Variants in NELFCD observed in about 807,000 individuals in gnomAD.
NELFCD encodes the protein negative elongation factor complex member C/D.
NELFCD carries 48 observed loss-of-function variants against 72.9 expected under a neutral mutation model. That is an observed-to-expected ratio of 0.66 (90% CI 0.52 to 0.84). The LOEUF (loss-of-function observed/expected upper bound fraction) is 0.84. NELFCD is among the 40% of genes least tolerant of loss of function. The pLI is 0.00. For synonymous variants in NELFCD, 297 were observed against 280.6 expected, an observed-to-expected ratio of 1.06 and a Z score of -0.59; for missense variants, 538 against 723.8, an observed-to-expected ratio of 0.74 and a Z score of 2.94.
chr20:58,985,160 T>C (rs944515347), intron 1 of NELFCD, among the ~76,000 whole-genome samples: 1 of 152,198 alleles, frequency 6.6e-6, no homozygotes, highest in African/African-American at 2.4e-5. Context: ...AGAATGGGTG[T>C]GCTGTGTTCC....
At position 58,993,218 on chromosome 20, in the gene NELFCD, C is replaced by G; in HGVS notation, c.1344+106C>G. 1.1e-6 allele frequency: 1 copy of G among 941,074 alleles called. No homozygotes were observed. The allele number at this position is 941,074 out of a possible 1,614,324, so 58.3% of individuals were successfully genotyped here. Reference sequence around the variant, plus strand: ...CAGTGAGTTTAGAGGATACTCTTCTCAAAAATAGTTATTTCTGTCCTGAGG... The same window carrying G: ...CAGTGAGTTTAGAGGATACTCTTCTGAAAAATAGTTATTTCTGTCCTGAGG... On this transcript the variant is annotated intron_variant, in intron 11 of 14. Transcript: ENST00000652272. The surrounding 1 kb of genome is among the most constrained non-coding windows in gnomAD (Gnocchi z 5.0).
intron 9 of NELFCD, 197 bp from the exon 10 acceptor site, chr20:58,991,684 T>C: frequency 1.3e-6 from 1 of 745,420 alleles, no homozygotes; most frequent in Admixed American, 2.9e-5. Context: ...CTGATTTCCG[T>C]AAGACATGGA....
chr20:58,983,250 T>C (rs2091749291), intron 1 of NELFCD, among the ~76,000 whole-genome samples: 1 of 150,628 alleles, frequency 6.6e-6, no homozygotes, highest in Non-Finnish European at 1.5e-5. Context: ...AATTCTCCCG[T>C]CTCAGCCTCC....
intron 7 of NELFCD, 171 bp downstream of exon 7, chr20:58,990,159 G>A (rs2091805166): frequency 2.5e-6 from 2 of 797,518 alleles, no homozygotes; most frequent in South Asian, 3.7e-5. Flanking sequence ...CACTTTGGGA[G>A]GCCGAGGCGG....
chr20:58,982,038 C>T (rs1334865929), intron 1 of NELFCD, among the ~76,000 whole-genome samples: 3 of 151,568 alleles, frequency 2.0e-5, no homozygotes, highest in African/African-American at 7.3e-5. Flanking sequence ...CCCCACCTTA[C>T]TCTAAAGACC....
chr20:58,985,359 G>T (rs1216210149), intron 1 of NELFCD, among the ~76,000 whole-genome samples: 1 of 152,172 alleles, frequency 6.6e-6, no homozygotes, highest in African/African-American at 2.4e-5. Context: ...AGGTTCCTTG[G>T]TTGATGAGCA....
intron 5 of NELFCD, 193 bp from the exon 6 acceptor site, chr20:58,989,295 A>G (rs924664906): frequency 5.9e-6 from 4 of 680,784 alleles, no homozygotes; most frequent in South Asian, 1.8e-5. Context: ...CCTCTTGCAT[A>G]TGAAGAAACG....
Position 58,986,784 on chromosome 20 carries a change from T to A in NELFCD, c.207T>A (p.Asn69Lys). 1 of 1,613,966 alleles carries A rather than the reference T, an allele frequency of 6.2e-7. No individual in the cohort carries two copies. The highest frequency in any genetic ancestry group is 8.5e-7 in the Non-Finnish European group (1 of 1,179,858). ...RYFQAGGSPE[N>K]VIQLLSENYT... ...TTCAGGCAGGAGGGTCTCCAGAGAA[T>A]GTTATCCAGCTCTTATCTGAAAACT... Residue 69 changes from asparagine to lysine, a missense_variant, in exon 3 of 15, where the codon AAT becomes AAA. Asn to Lys is a moderately conservative substitution (Grantham distance 94). Around this residue, in one of 3 missense-constraint regions of NELFCD, gnomAD observed 355 missense variants for 534.5 expected, o/e 0.66. Coordinates refer to ENST00000652272, the MANE Select transcript of NELFCD (RefSeq NM_198976.4). This position sits in a 1 kb window ranked among gnomAD's most constrained non-coding sequence, Gnocchi z 4.4.
At chr20:58,991,853 G>T (rs2091819776) in intron 9 of NELFCD, 28 bp from the exon 10 acceptor site, 1 of 1,610,788 alleles carries the variant, frequency 6.2e-7, no homozygotes, top group Non-Finnish European at 8.5e-7. Flanking sequence ...GCCCTGTCAG[G>T]CTCACCAGCT....
At chr20:58,990,074 T>C in intron 7 of NELFCD, 86 bp downstream of exon 7, 1 of 1,533,462 alleles carries the variant, frequency 6.5e-7, no homozygotes, top group South Asian at 1.2e-5. Flanking sequence ...CAGCCAAAGC[T>C]GCTAGCTCCT....
chr20:58,993,920 C>T lies in NELFCD; in HGVS notation c.1581+156C>T. 1 of 1,077,280 alleles carries T rather than the reference C, an allele frequency of 9.3e-7. No individual in the cohort carries two copies. Among genetic ancestry groups the T allele is most frequent in the Non-Finnish European group, 1.4e-6 (1 of 733,532 alleles). The allele number at this position is 1,077,280 out of a possible 1,614,324, so 66.7% of individuals were successfully genotyped here. A position where few individuals can be genotyped will look rare whatever the true frequency, so the allele number is the denominator to read the frequency against. ...CTCGTTTACCAAAAAGCACCTTCTG[C>T]CTGCAGCAGCTGTATGACACACTTT... is the stretch of plus-strand genomic sequence containing the variant. On this transcript the variant is annotated intron_variant, in intron 13 of 14. Coordinates refer to ENST00000652272, the MANE Select transcript of NELFCD (RefSeq NM_198976.4). This position sits in a 1 kb window ranked among gnomAD's most constrained non-coding sequence, Gnocchi z 5.0.
intron 7 of NELFCD, 182 bp downstream of exon 7, chr20:58,990,170 A>G (rs541184662): frequency 3.9e-4 from 273 of 693,918 alleles, no homozygotes; most frequent in Non-Finnish European, 5.7e-4. Flanking sequence ...GCCGAGGCGG[A>G]TGGATCACCT....
chr20:58,982,925 T>G (rs1569055735), intron 1 of NELFCD, among the ~76,000 whole-genome samples: 1 of 152,026 alleles, frequency 6.6e-6, no homozygotes, highest in Non-Finnish European at 1.5e-5. Flanking sequence ...ACTTATCTGG[T>G]AAGTGTAGAA....
At chr20:58,991,643 C>T (rs544356685) in intron 9 of NELFCD, 197 bp downstream of exon 9, 10 of 746,896 alleles carry the variant, frequency 1.3e-5, no homozygotes, top group South Asian at 3.8e-5. Context: ...CTCTGCAAAC[C>T]GTAAATTGAA....
In NELFCD at chr20:58,986,789, T is replaced by TC; in HGVS notation, c.214dup (p.Gln72ProfsTer5). 3 of 1,614,096 alleles carry TC rather than the reference T, an allele frequency of 1.9e-6. No individual in the cohort carries two copies. The highest frequency in any genetic ancestry group is 2.5e-6 in the Non-Finnish European group (3 of 1,179,964). On this transcript the variant is annotated frameshift_variant, in exon 3 of 15. Coordinates refer to ENST00000652272, the MANE Select transcript of NELFCD (RefSeq NM_198976.4). LOFTEE classifies it high-confidence loss of function. This position sits in a 1 kb window ranked among gnomAD's most constrained non-coding sequence, Gnocchi z 4.4. ...GCAGGAGGGTCTCCAGAGAATGTTA[T>TC]CCAGCTCTTATCTGAAAACTACACC...
In NELFCD at chr20:58,986,378, CAG is replaced by C. The variant is rs2146349834; in HGVS notation, c.176+173_176+174del. 1.0e-5 allele frequency: 6 copies of C among 578,846 alleles called. No homozygotes were observed. The South Asian group carries it at 1.3e-4, about 13-fold the overall frequency. The allele number at this position is 578,846 out of a possible 1,614,324, so 35.9% of individuals were successfully genotyped here. On this transcript the variant is annotated intron_variant, in intron 2 of 14. Transcript: ENST00000652272. The surrounding 1 kb of genome is among the most constrained non-coding windows in gnomAD (Gnocchi z 4.4). The stretch of plus-strand genomic sequence containing the variant: ...TTTTTTTTTTTAAATTTTTTTAAGA[CAG>C]AGTCTTGCTCTGTTGCAGTGGCACA...
rs373208083 is a variant in NELFCD at position 58,993,630 on chromosome 20, T to G, written c.1447T>G (p.Leu483Val). 3.7e-6 allele frequency: 6 copies of G among 1,614,088 alleles called. No individual in the cohort carries two copies. The highest frequency in any genetic ancestry group is 3.3e-5 in the Admixed American group (2 of 60,004). Residue 483 changes from leucine (L) to valine (V), a missense_variant, in exon 13 of 15, where the codon TTG becomes GTG. By Grantham distance (32) the Leu-to-Val change is conservative. Transcript: ENST00000652272. This position sits in a 1 kb window ranked among gnomAD's most constrained non-coding sequence, Gnocchi z 5.0. ...TGTCCCCCTTCTTCTGTAGCTTGAG[T>G]TGAAGAAGACACTGCTGGACAGGAT... ...SQLDVMEQLE[L>V]KKTLLDRMVH...
At chr20:58,991,225 C>T (rs969944749) in intron 8 of NELFCD, 87 bp from the exon 9 acceptor site, 2 of 1,587,048 alleles carry the variant, frequency 1.3e-6, no homozygotes, top group Non-Finnish European at 1.7e-6. Context: ...CCTGTTGGGC[C>T]CCTGCTGTGT....
At chr20:58,985,930 C>T (rs1278813995) in intron 1 of NELFCD, among the ~76,000 whole-genome samples, 163 bp from the exon 2 acceptor site, 1 of 152,162 alleles carries the variant, frequency 6.6e-6, no homozygotes, top group African/African-American at 2.4e-5. Flanking sequence ...TTTTCCTAGC[C>T]ACTCACTATC....
Sources: gnomAD v4.1 joint callset for allele counts (sites outside exome capture counted in the v4.1 genomes callset) on GRCh38, gnomAD v4.1.1 for gene constraint, gnomAD v4.1.1 regional missense constraint, Gnocchi (gnomAD v3.1) non-coding constraint, MANE v1.5 for transcripts, NCBI Gene and HGNC (gene_info 2026-07-23, HGNC 2026-07-21) for gene names.